SLC25A48: variants seen among roughly 807,000 people sequenced by gnomAD.
SLC25A48 encodes solute carrier family 25 member 48.
In SLC25A48, 29 loss-of-function variants were observed where a neutral mutation model predicts 32.2. The observed-to-expected ratio is 0.90, with a 90% CI of 0.67 to 1.23. The LOEUF is 1.23. Among genes scored for constraint, SLC25A48 ranks in the 50% most tolerant of loss-of-function variants. The pLI, the probability that SLC25A48 is intolerant of heterozygous loss-of-function variation, is 0.00. For synonymous variants in SLC25A48, 164 were observed against 172.3 expected (o/e 0.95, Z 0.38); for missense variants, 399 against 422.7 (o/e 0.94, Z 0.49).
intron 2 of SLC25A48, among the ~76,000 whole-genome samples, chr5:135,632,179 T>C (rs1181966288): frequency 1.3e-5 from 2 of 152,240 alleles, no homozygotes; most frequent in East Asian, 3.9e-4. Context: ...TAGAAGATTC[T>C]GTCTTCTGTA....
At chr5:135,643,469 C>G (rs1752887086) in intron 3 of SLC25A48, among the ~76,000 whole-genome samples, 1 of 152,170 alleles carries the variant, frequency 6.6e-6, no homozygotes, top group Non-Finnish European at 1.5e-5. Context: ...GCCAAGATGG[C>G]CCCATCACTG....
At position 135,804,696 on chromosome 5, in the gene SLC25A48, T is replaced by C. The variant is rs1023411717; in HGVS notation, c.-520-7827T>C. Among the ~76,000 whole-genome samples, 6 of 151,594 alleles carry C rather than the reference T, an allele frequency of 4.0e-5. No individual in the cohort carries two copies. In the Admixed American group the frequency reaches 4.0e-4, roughly 10 times the overall value. The stretch of plus-strand genomic sequence containing the variant: ...TTCTAATATCACAGTGTGTGTACAG[T>C]CTGTGATATTATTCATATCATAGAA... On this transcript the variant is annotated intron_variant, in intron 3 of 10. Transcript: ENST00000646290.
At chr5:135,810,468 T>G (rs537124491) in intron 3 of SLC25A48, among the ~76,000 whole-genome samples, 11 of 152,314 alleles carry the variant, frequency 7.2e-5, no homozygotes, top group African/African-American at 2.6e-4. Context: ...ATGCCACCAG[T>G]TGAGGCTGCA....
chr5:135,792,890 G>C (rs992111534), intron 3 of SLC25A48, among the ~76,000 whole-genome samples: 1 of 151,644 alleles, frequency 6.6e-6, no homozygotes, highest in South Asian at 2.1e-4. Context: ...TAATATCACA[G>C]TGGGTGTACA....
intron 1 of SLC25A48, 29 bp downstream of exon 1, chr5:135,834,922 C>T: frequency 1.9e-6 from 3 of 1,593,890 alleles, no homozygotes; most frequent in Non-Finnish European, 2.6e-6. Flanking sequence ...GACCCCCGGT[C>T]AGAGAGAGCG....
Position 135,699,110 on chromosome 5 carries a change from C to T in SLC25A48, c.-521+64154C>T, listed in dbSNP as rs150604491. On this transcript the variant is annotated intron_variant, in intron 3 of 10. Coordinates refer to the SLC25A48 transcript ENST00000646290. Reference sequence around the variant, plus strand: ...CTGGTAAGAACATAAATGATAAAACCGCTTTGGAAAACGGTTTGGCAGCAT... The same window carrying T: ...CTGGTAAGAACATAAATGATAAAACTGCTTTGGAAAACGGTTTGGCAGCAT... Among the ~76,000 whole-genome samples, 714 of 152,238 alleles carry T rather than the reference C, an allele frequency of 4.7e-3. 7 individuals carry two copies. The highest frequency in any genetic ancestry group is 0.017 in the African/African-American group (689 of 41,546).
At chr5:135,874,412 C>A (rs2126813461) in intron 6 of SLC25A48, among the ~76,000 whole-genome samples, 1 of 152,348 alleles carries the variant, frequency 6.6e-6, no homozygotes, top group East Asian at 1.9e-4. Context: ...CACAGCTGGT[C>A]CATGGTGGCG....
chr5:135,780,191 A>C (rs1756686199), intron 3 of SLC25A48, among the ~76,000 whole-genome samples: 1 of 63,718 alleles, frequency 1.6e-5, no homozygotes, highest in Non-Finnish European at 3.5e-5. Flanking sequence ...TTTTTGAGAC[A>C]TTCTCCTGCC....
intron 2 of SLC25A48, among the ~76,000 whole-genome samples, chr5:135,633,582 A>G (rs1043509479): frequency 6.6e-6 from 1 of 152,006 alleles, no homozygotes; most frequent in South Asian, 2.1e-4. Flanking sequence ...TCAAGGCTCC[A>G]TAACTATGAG....
intron 3 of SLC25A48, among the ~76,000 whole-genome samples, chr5:135,802,297 T>C (rs926673408): frequency 2.7e-4 from 41 of 151,738 alleles, no homozygotes; most frequent in African/African-American, 9.4e-4. Context: ...AGGAAGATAT[T>C]ACTCCTACTA....
chr5:135,853,555 AACTC>A (rs1426697433), intron 4 of SLC25A48, among the ~76,000 whole-genome samples: 2 of 152,250 alleles, frequency 1.3e-5, no homozygotes, highest in African/African-American at 4.8e-5. Flanking sequence ...CATAAGAAGT[AACTC>A]TTCATCCGTT....
At chr5:135,794,457 T>A (rs1757113599) in intron 3 of SLC25A48, among the ~76,000 whole-genome samples, 2 of 151,834 alleles carry the variant, frequency 1.3e-5, no homozygotes, top group South Asian at 4.1e-4. Context: ...GTTCCTAATA[T>A]CTTTGAGGGA....
intron 3 of SLC25A48, among the ~76,000 whole-genome samples, chr5:135,640,610 T>C (rs949634779): frequency 6.6e-6 from 1 of 152,126 alleles, no homozygotes; most frequent in African/African-American, 2.4e-5. Flanking sequence ...ATAAGGAAAT[T>C]GAACCCAGAA....
intron 6 of SLC25A48, chr5:135,874,738 C>T (rs996821355): frequency 8.6e-6 from 6 of 699,314 alleles, no homozygotes; most frequent in African/African-American, 1.8e-5. Context: ...ACTTAACACA[C>T]ACCCCTTCCC....
At chr5:135,597,311 G>A (rs1175409759) in intron 1 of SLC25A48, among the ~76,000 whole-genome samples, 6 of 152,188 alleles carry the variant, frequency 3.9e-5, no homozygotes, top group African/African-American at 1.4e-4. Context: ...CATGGGAAGG[G>A]CTGACAGGGT....
chr5:135,595,980 A>G (rs1751641493), intron 1 of SLC25A48, among the ~76,000 whole-genome samples: 1 of 152,188 alleles, frequency 6.6e-6, no homozygotes, highest in Non-Finnish European at 1.5e-5. Flanking sequence ...GGACATCATC[A>G]GGTGCTTTCT....
At chr5:135,723,380 T>TCTCACA (rs1356362581) in intron 3 of SLC25A48, among the ~76,000 whole-genome samples, 134 of 111,760 alleles carry the variant, frequency 1.2e-3, no homozygotes, top group Non-Finnish European at 1.7e-3. Context: ...TCTCTCTCTC[T>TCTCACA]CACACACACA....
At chr5:135,710,659 A>G (rs375235403) in intron 3 of SLC25A48, among the ~76,000 whole-genome samples, 2 of 152,230 alleles carry the variant, frequency 1.3e-5, no homozygotes, top group Non-Finnish European at 1.5e-5. Context: ...TAGACTTAAC[A>G]TAGGTTATGT....
chr5:135,643,033 A>G (rs1752877089), intron 3 of SLC25A48, among the ~76,000 whole-genome samples: 1 of 152,208 alleles, frequency 6.6e-6, no homozygotes, highest in South Asian at 2.1e-4. Context: ...CCCCCAGCAC[A>G]CAGGAAGGGA....
Sources: gnomAD v4.1 joint callset for allele counts (sites outside exome capture counted in the v4.1 genomes callset) on GRCh38, gnomAD v4.1.1 for gene constraint, MANE v1.5 for transcripts, NCBI Gene and HGNC (gene_info 2026-07-23, HGNC 2026-07-21) for gene names.